Variants in AGBL4 observed in about 807,000 individuals in gnomAD.
The protein encoded by AGBL4 is AGBL carboxypeptidase 4.
In AGBL4, 58 loss-of-function variants were observed where a neutral mutation model predicts 66.4. The ratio of observed to expected loss-of-function variants is 0.87; its 90% CI spans 0.71 to 1.09. AGBL4 has a LOEUF of 1.09. AGBL4 is among the 50% of genes least tolerant of loss of function. The pLI, the probability that AGBL4 is intolerant of heterozygous loss-of-function variation, is 0.00. For synonymous variants in AGBL4, 234 were observed against 222.9 expected (o/e 1.05, Z -0.44); for missense variants, 579 against 631.0 (o/e 0.92, Z 0.88).
In AGBL4 at chr1:49,812,322, C is replaced by T. The variant is rs921829919; in HGVS notation, c.157+39074G>A. 3.3e-5 allele frequency among the ~76,000 whole-genome samples: 5 copies of T among 152,222 alleles called. No homozygotes were observed. In the South Asian group the frequency reaches 8.3e-4, roughly 25 times the overall value. ...AAGGTGGAACGAAAGGGAGAAATATCCATAGGGATCCCTCTGAGCATGATT... is the reference window on the plus strand; with the variant it reads ...AAGGTGGAACGAAAGGGAGAAATATTCATAGGGATCCCTCTGAGCATGATT... On this transcript the variant is annotated intron_variant, in intron 2 of 13. Transcript: ENST00000371839.
intron 4 of AGBL4, among the ~76,000 whole-genome samples, chr1:49,133,360 C>A (rs1293709018): frequency 6.6e-6 from 1 of 152,036 alleles, no homozygotes; most frequent in Non-Finnish European, 1.5e-5. Flanking sequence ...ATGTAACAAA[C>A]CTGCACATTC....
Position 48,663,182 on chromosome 1 carries a change from C to T in AGBL4, c.694G>A (p.Gly232Arg). ...CACACAAATGATGAGGGTGTTTCCC[C>T]TGGGTGGACTCGTCCTGTGATGAAT... ...VVFITGRVHP[G>R]ETPSSFVCQG... is the part of the protein sequence containing the mutation. The change falls in exon 7 of 14, where the codon GGG becomes AGG. Residue 232 changes from glycine to arginine, a missense_variant. Transcript: ENST00000371839. 6.2e-7 allele frequency: 1 copy of T among 1,613,940 alleles called. No individual in the cohort carries two copies. Among genetic ancestry groups the T allele is most frequent in the Middle Eastern group, 1.6e-4 (1 of 6,062 alleles).
In AGBL4 at chr1:49,979,817, G is replaced by A. The variant is rs1658913784; in HGVS notation, c.34+43946C>T. ...TGGAATGCCACTAGTGATGCTGGAAGTGCTCCCAAGAAGCAGAGGAAAGTC... is the reference window on the plus strand; with the variant it reads ...TGGAATGCCACTAGTGATGCTGGAAATGCTCCCAAGAAGCAGAGGAAAGTC... On this transcript the variant is annotated intron_variant, in intron 1 of 13. Coordinates refer to ENST00000371839, the MANE Select transcript of AGBL4 (RefSeq NM_032785.4). Among the ~76,000 whole-genome samples, 3 of 152,152 alleles carry A rather than the reference G, an allele frequency of 2.0e-5. No homozygotes were observed. In the South Asian group the frequency reaches 6.2e-4, roughly 32 times the overall value.
chr1:49,552,738 C>A (rs184838214), intron 3 of AGBL4, among the ~76,000 whole-genome samples: 1 of 152,126 alleles, frequency 6.6e-6, no homozygotes, highest in Non-Finnish European at 1.5e-5. Context: ...TTCTTACAGT[C>A]GATTTGGAGC....
chr1:49,521,822 C>T (rs1304281260), intron 3 of AGBL4, among the ~76,000 whole-genome samples: 1 of 151,906 alleles, frequency 6.6e-6, no homozygotes, highest in Non-Finnish European at 1.5e-5. Context: ...CCTAATTAAA[C>T]TAAAGAGTGT....
chr1:49,548,935 C>A (rs936048604), intron 3 of AGBL4, among the ~76,000 whole-genome samples: 2 of 151,838 alleles, frequency 1.3e-5, no homozygotes, highest in Non-Finnish European at 2.9e-5. Flanking sequence ...AATTTTTTAC[C>A]ATTTTAATCT....
intron 11 of AGBL4, among the ~76,000 whole-genome samples, chr1:48,572,354 T>C (rs574221775): frequency 8.6e-5 from 13 of 151,888 alleles, no homozygotes; most frequent in South Asian, 2.1e-4. Context: ...TGATACTAAA[T>C]ATGTATTTAG....
rs193008245 is a variant in AGBL4, at chr1:48,831,490, G to A, written c.634+35701C>T. 3.1e-3 allele frequency among the ~76,000 whole-genome samples: 479 copies of A among 152,306 alleles called. 3 individuals carry two copies. Among genetic ancestry groups the A allele is most frequent in the African/African-American group, 0.01 (424 of 41,568 alleles). On this transcript the variant is annotated intron_variant, in intron 6 of 13. Transcript: ENST00000371839. ...TTCTGAAGCCTTGCCTTACTTTGTCGGGAAGGATGTCTCTGGGCTCCCTTT... is the reference window on the plus strand; with the variant it reads ...TTCTGAAGCCTTGCCTTACTTTGTCAGGAAGGATGTCTCTGGGCTCCCTTT...
At chr1:49,122,854 T>G (rs1430399252) in intron 4 of AGBL4, among the ~76,000 whole-genome samples, 1 of 152,070 alleles carries the variant, frequency 6.6e-6, no homozygotes, top group Non-Finnish European at 1.5e-5. Context: ...ATATTGTTTG[T>G]TTGTTTTTGT....
intron 2 of AGBL4, among the ~76,000 whole-genome samples, chr1:49,811,111 C>A (rs886118564): frequency 6.6e-6 from 1 of 152,156 alleles, no homozygotes; most frequent in Non-Finnish European, 1.5e-5. Context: ...TCACAAAATT[C>A]AAACTTTCAT....
intron 5 of AGBL4, among the ~76,000 whole-genome samples, chr1:49,018,260 G>A (rs1287635580): frequency 1.3e-5 from 2 of 152,132 alleles, no homozygotes; most frequent in Non-Finnish European, 2.9e-5. Context: ...GTTGTCCTGG[G>A]TTAGAAGGCA....
intron 3 of AGBL4, among the ~76,000 whole-genome samples, chr1:49,267,821 A>G (rs1643958988): frequency 6.6e-6 from 1 of 152,156 alleles, no homozygotes; most frequent in African/African-American, 2.4e-5. Flanking sequence ...GCAAGACAGA[A>G]TGAGAGCCAA....
intron 3 of AGBL4, among the ~76,000 whole-genome samples, chr1:49,305,070 A>G (rs571079246): frequency 2.0e-5 from 3 of 152,324 alleles, no homozygotes; most frequent in Non-Finnish European, 2.9e-5. Context: ...GAGGCCAGAG[A>G]GGTTAAATAA....
intron 5 of AGBL4, among the ~76,000 whole-genome samples, chr1:49,022,673 A>G (rs1463240519): frequency 1.3e-5 from 2 of 152,130 alleles, no homozygotes; most frequent in Non-Finnish European, 2.9e-5. Flanking sequence ...CTCAATTCCT[A>G]TTGACATGTG....
rs567574017 is a variant in AGBL4 at position 49,736,690 on chromosome 1, T to G, written c.158-39253A>C. 3.9e-5 allele frequency among the ~76,000 whole-genome samples: 6 copies of G among 152,202 alleles called. No homozygotes were observed. In the South Asian group the frequency reaches 1.2e-3, roughly 32 times the overall value. On this transcript the variant is annotated intron_variant, in intron 2 of 13. Transcript: ENST00000371839. ...GTGGGACCTAATTAAACTAAAGAGT[T>G]TCTGCACAGCAAAATAAACTATCAA...
chr1:49,578,822 G>A (rs1223466924), intron 3 of AGBL4, among the ~76,000 whole-genome samples: 5 of 152,228 alleles, frequency 3.3e-5, no homozygotes, highest in Middle Eastern at 6.8e-3. Context: ...AGTTGACAAG[G>A]GGTGAACTTG....
chr1:48,932,645 T>G (rs754114374), intron 5 of AGBL4, among the ~76,000 whole-genome samples: 1 of 152,168 alleles, frequency 6.6e-6, no homozygotes, highest in African/African-American at 2.4e-5. Flanking sequence ...TAAATTGTTA[T>G]AAGATTATTT....
intron 6 of AGBL4, among the ~76,000 whole-genome samples, chr1:48,666,745 C>A (rs1646194633): frequency 6.6e-6 from 1 of 152,234 alleles, no homozygotes; most frequent in African/African-American, 2.4e-5. Flanking sequence ...GATAGCCTGA[C>A]TCCAGAAACT....
At chr1:49,723,163 T>A (rs1019408616) in intron 2 of AGBL4, among the ~76,000 whole-genome samples, 3 of 152,150 alleles carry the variant, frequency 2.0e-5, no homozygotes, top group African/African-American at 7.2e-5. Flanking sequence ...TAATTTGTCC[T>A]TTCTTTCTTT....
Sources: allele counts gnomAD v4.1 joint callset (sites outside exome capture counted in the v4.1 genomes callset), GRCh38; gene constraint gnomAD v4.1.1; transcripts MANE v1.5; gene names NCBI Gene and HGNC (gene_info 2026-07-23, HGNC 2026-07-21).